Variants in ANO10 observed in about 807,000 individuals in gnomAD.
ANO10 encodes anoctamin 10, also known as anoctamin-10.
ANO10 carries 77 observed loss-of-function variants against 74.7 expected under a neutral mutation model. The ratio of observed to expected loss-of-function variants is 1.03; its 90% confidence interval spans 0.86 to 1.25. The LOEUF is 1.25. ANO10 is among the 50% of genes most tolerant of loss of function. ANO10 has a pLI of 0.00. For missense variants in ANO10, 721 were observed against 778.1 expected, an observed-to-expected ratio of 0.93 and a Z score of 0.87; for synonymous variants, 279 against 284.9, an observed-to-expected ratio of 0.98 and a Z score of 0.21.
At chr3:43,491,621 T>C (rs1282801286) in intron 11 of ANO10, among the ~76,000 whole-genome samples, 1 of 152,130 alleles carries the variant, frequency 6.6e-6, no homozygotes, top group African/African-American at 2.4e-5. Flanking sequence ...CTTCCTTTCA[T>C]TCCCACTCTA....
At chr3:43,567,829 A>G (rs1323325825) in intron 7 of ANO10, among the ~76,000 whole-genome samples, 1 of 152,072 alleles carries the variant, frequency 6.6e-6, no homozygotes, top group East Asian at 1.9e-4. Context: ...ATTCACACAT[A>G]ACAATATTAA....
intron 5 of ANO10, 77 bp from the exon 6 acceptor site, chr3:43,577,338 AT>A: frequency 7.1e-7 from 1 of 1,412,832 alleles, no homozygotes; most frequent in Non-Finnish European, 9.8e-7. Flanking sequence ...ACGCTTATTC[AT>A]TTTTTAGTTA....
intron 9 of ANO10, among the ~76,000 whole-genome samples, 170 bp downstream of exon 9, chr3:43,561,050 G>A (rs1008413223): frequency 4.6e-5 from 7 of 152,200 alleles, no homozygotes; most frequent in Non-Finnish European, 8.8e-5. Flanking sequence ...GTGCTTCAAT[G>A]CAAAGTTCTA....
At chr3:43,402,940 T>C (rs765997881) in intron 12 of ANO10, among the ~76,000 whole-genome samples, 16 of 152,198 alleles carry the variant, frequency 1.1e-4, no homozygotes, top group Non-Finnish European at 1.8e-4. Flanking sequence ...CCAGGAAGCA[T>C]CATGCTGTGG....
At chr3:43,573,921 A>T (rs112571245) in intron 7 of ANO10, among the ~76,000 whole-genome samples, 2,602 of 152,286 alleles carry the variant, frequency 0.017, 68 homozygotes, top group African/African-American at 0.058. Context: ...GAATAGAAAC[A>T]TATCTAAAAA....
chr3:43,500,782 A>G lies in ANO10; in HGVS notation c.1797+48938T>C, dbSNP rs148660605. On this transcript the variant is annotated intron_variant, in intron 11 of 12. Coordinates refer to ENST00000292246, the MANE Select transcript of ANO10 (RefSeq NM_018075.5). Reference sequence around the variant, plus strand: ...ATTATCCTAATAAATATCTTACTTTATCAGTGTATATACTCTGAATTGGGT... The same window carrying G: ...ATTATCCTAATAAATATCTTACTTTGTCAGTGTATATACTCTGAATTGGGT... Among the ~76,000 whole-genome samples the G allele has an allele frequency of 2.9e-4, 44 of 152,350 alleles. No individual in the cohort carries two copies. The East Asian group carries it at 7.7e-3, about 27-fold the overall frequency.
rs576785175 is a variant in ANO10 at position 43,369,012 on chromosome 3, C to T, written c.1915-2038G>A. Among the ~76,000 whole-genome samples the T allele has an allele frequency of 5.9e-5, 9 of 152,246 alleles. No homozygotes were observed. The South Asian group carries it at 1.7e-3, about 28-fold the overall frequency. On this transcript the variant is annotated intron_variant, in intron 12 of 12. Transcript: ENST00000292246. ...GCTGGAAGCCCCGTGAGGTCAGGCA[C>T]AGAAGCATCCAGCAGCTCTCTGGGA... is the stretch of plus-strand genomic sequence containing the variant.
At chr3:43,660,746 G>A (rs1201435822) in intron 1 of ANO10, among the ~76,000 whole-genome samples, 1 of 152,178 alleles carries the variant, frequency 6.6e-6, no homozygotes, top group African/African-American at 2.4e-5. Context: ...CGTGAGGTCA[G>A]GAGTTTGAGA....
intron 11 of ANO10, among the ~76,000 whole-genome samples, chr3:43,447,147 T>G (rs1403424935): frequency 2.0e-5 from 3 of 152,170 alleles, no homozygotes; most frequent in Non-Finnish European, 4.4e-5. Context: ...TTGTTATTAG[T>G]AAGGGTGCTG....
rs541964199 is a variant in ANO10, at chr3:43,487,391, C to T, written c.1798-54664G>A. ...TTCAGAAGGAATGGTACCAGTTCCT[C>T]CTTGTACTTCTGGTAGAATTCAGCT... On this transcript the variant is annotated intron_variant, in intron 11 of 12. Transcript: ENST00000292246. 3.1e-3 allele frequency among the ~76,000 whole-genome samples: 478 copies of T among 152,180 alleles called. 4 individuals are homozygous for T. Among genetic ancestry groups the T allele is most frequent in the African/African-American group, 0.011 (454 of 41,490 alleles).
intron 12 of ANO10, among the ~76,000 whole-genome samples, chr3:43,399,964 C>T (rs1186377677): frequency 6.6e-6 from 1 of 152,108 alleles, no homozygotes; most frequent in Non-Finnish European, 1.5e-5. Flanking sequence ...GCTCCTGTTT[C>T]ATTCCTGGCT....
At chr3:43,475,228 A>T (rs551343826) in intron 11 of ANO10, among the ~76,000 whole-genome samples, 1 of 152,206 alleles carries the variant, frequency 6.6e-6, no homozygotes, top group Non-Finnish European at 1.5e-5. Context: ...TTATTCAATT[A>T]TCTAATGTTG....
intron 11 of ANO10, among the ~76,000 whole-genome samples, chr3:43,544,734 A>G (rs2079103893): frequency 6.6e-6 from 1 of 151,130 alleles, no homozygotes; most frequent in African/African-American, 2.4e-5. Context: ...CAGAGGATGC[A>G]GTGAGCCAAG....
chr3:43,662,026 G>A (rs2083932319), intron 1 of ANO10, among the ~76,000 whole-genome samples: 3 of 152,076 alleles, frequency 2.0e-5, no homozygotes, highest in Admixed American at 6.6e-5. Flanking sequence ...GGATATCCAG[G>A]ACTTCAACTC....
chr3:43,552,726 A>ATGTG (rs1318823685), intron 10 of ANO10, among the ~76,000 whole-genome samples: 1 of 95,602 alleles, frequency 1.0e-5, no homozygotes. Flanking sequence ...ATATATATAT[A>ATGTG]TATGTATGTA....
chr3:43,514,029 ATAATT>A (rs1202473209), intron 11 of ANO10, among the ~76,000 whole-genome samples: 15 of 150,556 alleles, frequency 1.0e-4, no homozygotes, highest in Non-Finnish European at 1.9e-4. Flanking sequence ...ATAGCATATT[ATAATT>A]TATATAATTT....
chr3:43,616,923 CT>C (rs1436964602), intron 1 of ANO10, among the ~76,000 whole-genome samples: 6 of 151,680 alleles, frequency 4.0e-5, no homozygotes, highest in African/African-American at 1.5e-4. Flanking sequence ...ATTCCTGCCC[CT>C]CTCTGTGTTT....
Position 43,513,140 on chromosome 3 carries a change from C to T in ANO10, c.1797+36580G>A, listed in dbSNP as rs563768265. Among the ~76,000 whole-genome samples, 15 of 152,186 alleles carry T rather than the reference C, an allele frequency of 9.9e-5. No individual in the cohort carries two copies. In the East Asian group the frequency reaches 2.5e-3, roughly 25 times the overall value. On this transcript the variant is annotated intron_variant, in intron 11 of 12. Coordinates refer to ENST00000292246, the MANE Select transcript of ANO10 (RefSeq NM_018075.5). ...GTATGTGAGGAAACTATCTGAGGTC[C>T]GGGAAAGCAACATCAGACCAGGTTG...
intron 11 of ANO10, among the ~76,000 whole-genome samples, chr3:43,499,864 C>T (rs1048399223): frequency 4.0e-5 from 6 of 150,796 alleles, no homozygotes; most frequent in Admixed American, 6.6e-5. Context: ...GTCTCACTCA[C>T]TCTATCGCCC....
Sources: gnomAD v4.1 joint callset for allele counts (sites outside exome capture counted in the v4.1 genomes callset) on GRCh38, gnomAD v4.1.1 for gene constraint, MANE v1.5 for transcripts, NCBI Gene and HGNC (gene_info 2026-07-23, HGNC 2026-07-21) for gene names.